VPS53: variants seen among roughly 807,000 people sequenced by gnomAD.
VPS53 encodes the protein VPS53 subunit of GARP complex, also known as vacuolar protein sorting-associated protein 53 homolog.
A neutral mutation model predicts 107.0 loss-of-function variants in VPS53; 70 were observed. The observed-to-expected ratio is 0.65, with a 90% confidence interval of 0.54 to 0.80. The LOEUF (loss-of-function observed/expected upper bound fraction) is 0.80, where lower values mean the gene tolerates loss of function less well. VPS53 is among the 30% of genes least tolerant of loss of function. VPS53 has a pLI of 0.00. For missense variants in VPS53, 917 were observed against 1,049.4 expected (o/e 0.87, Z 1.74); for synonymous variants, 409 against 393.3 (o/e 1.04, Z -0.47).
chr17:634,163 G>C (rs1367126020), intron 7 of VPS53, among the ~76,000 whole-genome samples: 1 of 151,124 alleles, frequency 6.6e-6, no homozygotes, highest in Admixed American at 6.6e-5. Flanking sequence ...CCATATTCTT[G>C]GTGACTCTGG....
At chr17:641,915 G>T (rs965826439) in intron 7 of VPS53, among the ~76,000 whole-genome samples, 10 of 152,194 alleles carry the variant, frequency 6.6e-5, no homozygotes, top group African/African-American at 2.4e-4. Flanking sequence ...GCCCAGAAAG[G>T]AAAGTCAACC....
rs549804806 is a variant in VPS53, at chr17:519,496, G to A, written c.2329-198C>T. 5.6e-4 allele frequency among the ~76,000 whole-genome samples: 86 copies of A among 152,290 alleles called. 1 individual carries two copies. The highest frequency in any genetic ancestry group is 3.4e-3 in the Middle Eastern group (1 of 294). On this transcript the variant is annotated intron_variant, in intron 21 of 21. Coordinates refer to ENST00000437048, the MANE Select transcript of VPS53 (RefSeq NM_001128159.3). The surrounding 1 kb of genome is among the most constrained non-coding windows in gnomAD (Gnocchi z 5.0). Reference sequence around the variant, plus strand: ...GGGAGGAAAAGAGAGGGGAAGAAAAGGTAAAGGAAGGGAAAGAAGCGGCTG... The same window carrying A: ...GGGAGGAAAAGAGAGGGGAAGAAAAAGTAAAGGAAGGGAAAGAAGCGGCTG...
intron 4 of VPS53, among the ~76,000 whole-genome samples, chr17:690,608 A>G (rs908021633): frequency 2.0e-5 from 3 of 152,218 alleles, no homozygotes; most frequent in Non-Finnish European, 4.4e-5. Context: ...CTCTGCGGAC[A>G]TCTGTTTGCG....
chr17:708,913 T>C (rs1458428972), intron 2 of VPS53, among the ~76,000 whole-genome samples: 2 of 152,238 alleles, frequency 1.3e-5, no homozygotes, highest in East Asian at 1.9e-4. Context: ...TTTATTATAT[T>C]GGAACAGGTT....
At chr17:549,002 C>T (rs1002141291) in intron 17 of VPS53, among the ~76,000 whole-genome samples, 4 of 152,028 alleles carry the variant, frequency 2.6e-5, no homozygotes, top group Non-Finnish European at 5.9e-5. Flanking sequence ...GCACTGATTT[C>T]CTCATCTCTT....
At chr17:545,521 A>G (rs936802086) in intron 17 of VPS53, among the ~76,000 whole-genome samples, 6 of 152,036 alleles carry the variant, frequency 3.9e-5, no homozygotes, top group Admixed American at 3.3e-4. Flanking sequence ...CAAGTTTCCT[A>G]CTCTACATCT....
intron 4 of VPS53, among the ~76,000 whole-genome samples, chr17:672,456 C>T (rs1972002690): frequency 6.6e-6 from 1 of 152,118 alleles, no homozygotes; most frequent in South Asian, 2.1e-4. Flanking sequence ...TATTAGTATT[C>T]CCACATCTCC....
In VPS53 at chr17:642,959, T is replaced by TCATACTTGGAAAGCGAGGACAACA. The variant is rs1567701060; in HGVS notation, c.608+10331_608+10332insTGTTGTCCTCGCTTTCCAAGTATG. On this transcript the variant is annotated intron_variant, in intron 7 of 21. Coordinates refer to ENST00000437048, the MANE Select transcript of VPS53 (RefSeq NM_001128159.3). ...CTCATACTTGGCAACCGAGGACAACTCTCATACTTGGAAAGCGAGGACAAC... is the reference window on the plus strand; with the variant it reads ...CTCATACTTGGCAACCGAGGACAACTCATACTTGGAAAGCGAGGACAACACTCATACTTGGAAAGCGAGGACAAC... Among the ~76,000 whole-genome samples the TCATACTTGGAAAGCGAGGACAACA allele has an allele frequency of 2.1e-4, 17 of 79,846 alleles. 8 individuals are homozygous for TCATACTTGGAAAGCGAGGACAACA. The highest frequency in any genetic ancestry group is 7.5e-4 in the East Asian group (2 of 2,670). The allele number at this position is 79,846 out of a possible 152,430, so 52.4% of individuals were successfully genotyped here. A position where few individuals can be genotyped will look rare whatever the true frequency, so the allele number is the denominator to read the frequency against.
intron 12 of VPS53, among the ~76,000 whole-genome samples, chr17:588,145 G>A (rs935433282): frequency 1.3e-5 from 2 of 152,208 alleles, no homozygotes; most frequent in South Asian, 2.1e-4. Context: ...GTGAAACCCT[G>A]TCTCTACTAA....
intron 11 of VPS53, chr17:616,667 T>A (rs1168438837): frequency 2.6e-5 from 4 of 152,274 alleles, no homozygotes; most frequent in Non-Finnish European, 5.9e-5. Flanking sequence ...GGACAGAAGG[T>A]GTCTGACAGT....
In VPS53 at chr17:679,382, C is replaced by T. The variant is rs1443627812; in HGVS notation, c.286-17487G>A. Among the ~76,000 whole-genome samples the T allele has an allele frequency of 3.9e-5, 6 of 151,938 alleles. No individual in the cohort carries two copies. The East Asian group carries it at 5.8e-4, about 15-fold the overall frequency. On this transcript the variant is annotated intron_variant, in intron 4 of 21. Coordinates refer to ENST00000437048, the MANE Select transcript of VPS53 (RefSeq NM_001128159.3). ...TACAAAAATTAGCCAGGCGTGGTGG[C>T]GGCCACCTGTAGTCCCAGCTACTTG...
At chr17:598,091 C>T (rs1968074351) in intron 12 of VPS53, among the ~76,000 whole-genome samples, 2 of 152,182 alleles carry the variant, frequency 1.3e-5, no homozygotes, top group Admixed American at 1.3e-4. Context: ...CCTGACTCAG[C>T]CTGCCGAGTG....
intron 12 of VPS53, among the ~76,000 whole-genome samples, chr17:591,760 C>A (rs1401742910): frequency 1.3e-5 from 2 of 152,108 alleles, no homozygotes; most frequent in East Asian, 1.9e-4. Context: ...GTTATAATTT[C>A]TTTTACATTT....
intron 6 of VPS53, among the ~76,000 whole-genome samples, chr17:654,607 G>C (rs1971101512): frequency 2.0e-5 from 3 of 151,336 alleles, no homozygotes; most frequent in African/African-American, 7.3e-5. Flanking sequence ...CTTAGTGGCG[G>C]GCGCCTGTAG....
chr17:597,702 C>T (rs930467974), intron 12 of VPS53, among the ~76,000 whole-genome samples: 22 of 151,956 alleles, frequency 1.4e-4, no homozygotes, highest in African/African-American at 5.1e-4. Context: ...ACCACCACGC[C>T]CGGCTAATTT....
At position 551,334 on chromosome 17, in the gene VPS53, C is replaced by T. The variant is rs576342695; in HGVS notation, c.1866+538G>A. 8.5e-5 allele frequency among the ~76,000 whole-genome samples: 13 copies of T among 152,120 alleles called. 1 individual carries two copies. In the South Asian group the frequency reaches 1.2e-3, roughly 15 times the overall value. The stretch of plus-strand genomic sequence containing the variant: ...GTAATCCCAGCACTTGGGGAGGACT[C>T]GGTGGGAAGACTGCTTGACGCCAGG... On this transcript the variant is annotated intron_variant, in intron 17 of 21. Transcript: ENST00000437048.
chr17:649,859 G>A (rs1970868642), intron 7 of VPS53, among the ~76,000 whole-genome samples: 1 of 152,258 alleles, frequency 6.6e-6, no homozygotes, highest in African/African-American at 2.4e-5. Context: ...ATGCCCATGA[G>A]AAAAGAATCA....
Position 586,199 on chromosome 17 carries a change from GCTC to G in VPS53, c.1313+68_1313+70del, listed in dbSNP as rs1967303300. ...CTTTCAGCCCCGGAAGGAGCTGTGC[GCTC>G]CTAAGACCCAGTCATGACCAGAGCG... On this transcript the variant is annotated intron_variant, in intron 13 of 21. Transcript: ENST00000437048. 48 of 1,416,000 alleles carry G rather than the reference GCTC, an allele frequency of 3.4e-5. 1 individual carries two copies. In the South Asian group the frequency reaches 5.6e-4, roughly 16 times the overall value. The allele number at this position is 1,416,000 out of a possible 1,614,324, so 87.7% of individuals were successfully genotyped here.
chr17:655,747 T>C, intron 6 of VPS53, 91 bp downstream of exon 6: 1 of 1,227,700 alleles, frequency 8.1e-7, no homozygotes, highest in Non-Finnish European at 1.1e-6. Context: ...TGGTGAGACT[T>C]TCCTGGCTGA....
Sources: gnomAD v4.1 joint callset for allele counts (sites outside exome capture counted in the v4.1 genomes callset) on GRCh38, gnomAD v4.1.1 for gene constraint, Gnocchi (gnomAD v3.1) non-coding constraint, MANE v1.5 for transcripts, NCBI Gene and HGNC (gene_info 2026-07-23, HGNC 2026-07-21) for gene names.